The following THSD7B variants were observed in gnomAD, a reference collection of about 807,000 sequenced individuals.
The protein encoded by THSD7B is thrombospondin type-1 domain-containing protein 7B.
THSD7B carries 138 observed loss-of-function variants against 213.6 expected under a neutral mutation model. The ratio of observed to expected loss-of-function variants is 0.65; its 90% confidence interval spans 0.56 to 0.74. The LOEUF (loss-of-function observed/expected upper bound fraction) is 0.74, where lower values mean the gene tolerates loss of function less well. Ranked by LOEUF, THSD7B falls within the 30% of genes least tolerant of loss-of-function variation. The pLI is 0.00. For missense variants in THSD7B, 1,931 were observed against 1,991.5 expected (o/e 0.97, Z 0.58); for synonymous variants, 742 against 687.0 (o/e 1.08, Z -1.25).
intron 1 of THSD7B, among the ~76,000 whole-genome samples, chr2:136,806,335 C>G (rs1189787063): frequency 1.3e-5 from 2 of 152,166 alleles, no homozygotes; most frequent in Non-Finnish European, 2.9e-5. Flanking sequence ...TGGCCCCAGG[C>G]CCTTTATATA....
intron 2 of THSD7B, among the ~76,000 whole-genome samples, chr2:136,996,625 C>CGTGA (rs1380204755): frequency 6.6e-6 from 1 of 152,148 alleles, no homozygotes; most frequent in African/African-American, 2.4e-5. Flanking sequence ...GGATTACAGG[C>CGTGA]GTGAGTCACT....
intron 17 of THSD7B, among the ~76,000 whole-genome samples, chr2:137,608,942 A>G (rs539651961): frequency 1.3e-5 from 2 of 152,332 alleles, no homozygotes; most frequent in South Asian, 4.1e-4. Context: ...CTTGTGTTGT[A>G]TGCTATCTTT....
chr2:137,499,306 A>G (rs1679648147), intron 15 of THSD7B, among the ~76,000 whole-genome samples: 1 of 152,236 alleles, frequency 6.6e-6, no homozygotes, highest in Admixed American at 6.5e-5. Context: ...TAGTATACAG[A>G]TTGCAGGGAC....
chr2:137,157,195 A>G (rs1245410638), intron 5 of THSD7B, among the ~76,000 whole-genome samples: 3 of 152,210 alleles, frequency 2.0e-5, no homozygotes, highest in African/African-American at 2.4e-5. Context: ...AACAAGTTAT[A>G]TGAAGCAGAT....
At chr2:137,241,607 G>A (rs1434361748) in intron 9 of THSD7B, among the ~76,000 whole-genome samples, 1 of 151,936 alleles carries the variant, frequency 6.6e-6, no homozygotes, top group Non-Finnish European at 1.5e-5. Flanking sequence ...CAGTCTACGT[G>A]TTCTATAGAA....
intron 2 of THSD7B, among the ~76,000 whole-genome samples, chr2:136,957,791 A>C (rs1457174413): frequency 2.0e-5 from 3 of 152,220 alleles, no homozygotes; most frequent in Non-Finnish European, 4.4e-5. Context: ...CATTAAATTT[A>C]AAATGTTAAC....
intron 15 of THSD7B, among the ~76,000 whole-genome samples, chr2:137,454,412 GTCTGTCTGTCTGTCTATCTATCTA>G (rs1308269748): frequency 3.0e-4 from 37 of 121,532 alleles, no homozygotes; most frequent in African/African-American, 1.1e-3. Context: ...CTGTCTGTCT[GTCTGTCTGTCTGTCTATCTATCTA>G]TCTATCTATC....
At chr2:137,114,947 T>A (rs890087414) in intron 4 of THSD7B, among the ~76,000 whole-genome samples, 177 bp from the exon 5 acceptor site, 1 of 152,190 alleles carries the variant, frequency 6.6e-6, no homozygotes, top group Non-Finnish European at 1.5e-5. Context: ...ATGTTTTTTT[T>A]TTCTAGGAAA....
At chr2:137,544,759 T>A (rs920208262) in intron 15 of THSD7B, among the ~76,000 whole-genome samples, 1 of 151,860 alleles carries the variant, frequency 6.6e-6, no homozygotes, top group East Asian at 1.9e-4. Flanking sequence ...GGCTTAATTT[T>A]AATTCTTTCA....
intron 15 of THSD7B, chr2:137,511,985 G>A (rs1052227488): frequency 3.9e-5 from 6 of 152,170 alleles, no homozygotes; most frequent in African/African-American, 1.4e-4. Context: ...GTCCCAGCCA[G>A]TGGCCACAAA....
At chr2:137,074,732 C>G (rs990954542) in intron 3 of THSD7B, among the ~76,000 whole-genome samples, 2 of 152,138 alleles carry the variant, frequency 1.3e-5, no homozygotes, top group Admixed American at 1.3e-4. Flanking sequence ...TCCGGTTGTT[C>G]CTTTCCATGT....
Position 137,296,772 on chromosome 2 carries a change from C to T in THSD7B, c.2500+20746C>T, listed in dbSNP as rs142469454. Among the ~76,000 whole-genome samples the T allele has an allele frequency of 1.8e-4, 27 of 152,150 alleles. No homozygotes were observed. The East Asian group carries it at 3.9e-3, about 22-fold the overall frequency. Reference sequence around the variant, plus strand: ...ACACAGAGGAAGGAACAGTAGGGTACAGCTCCTCTCACCTGGGCTCTGTCT... The same window carrying T: ...ACACAGAGGAAGGAACAGTAGGGTATAGCTCCTCTCACCTGGGCTCTGTCT... On this transcript the variant is annotated intron_variant, in intron 12 of 27. Coordinates refer to ENST00000409968, the MANE Select transcript of THSD7B (RefSeq NM_001316349.2).
chr2:137,674,614 A>ATGT (rs1328916847), intron 27 of THSD7B, among the ~76,000 whole-genome samples: 11 of 152,224 alleles, frequency 7.2e-5, no homozygotes, highest in African/African-American at 2.7e-4. Context: ...GTTAAATTGA[A>ATGT]TGTTATTCAG....
chr2:137,032,205 C>T (rs894647741), intron 2 of THSD7B, among the ~76,000 whole-genome samples: 3 of 151,896 alleles, frequency 2.0e-5, no homozygotes, highest in African/African-American at 7.3e-5. Flanking sequence ...CCAAGAACAC[C>T]CTACTAATAG....
Position 137,600,713 on chromosome 2 carries a change from G to A in THSD7B, c.3424-15462G>A, listed in dbSNP as rs149754866. Among the ~76,000 whole-genome samples the A allele has an allele frequency of 9.4e-4, 143 of 152,272 alleles. 1 individual carries two copies. The highest frequency in any genetic ancestry group is 8.2e-3 in the Admixed American group (125 of 15,298). On this transcript the variant is annotated intron_variant, in intron 17 of 27. Transcript: ENST00000409968. Reference sequence around the variant, plus strand: ...AGATCATGCCACTGCACTCCAGTGTGGGCAACAGAGAGACCATTTCAAAAA... The same window carrying A: ...AGATCATGCCACTGCACTCCAGTGTAGGCAACAGAGAGACCATTTCAAAAA...
intron 7 of THSD7B, among the ~76,000 whole-genome samples, chr2:137,215,391 G>T (rs1681213235): frequency 6.6e-6 from 1 of 152,092 alleles, no homozygotes; most frequent in Admixed American, 6.6e-5. Flanking sequence ...TTCTACAAAA[G>T]CTGCAGATTC....
At chr2:137,476,339 A>T (rs1258417084) in intron 15 of THSD7B, among the ~76,000 whole-genome samples, 2 of 151,400 alleles carry the variant, frequency 1.3e-5, no homozygotes, top group African/African-American at 4.9e-5. Flanking sequence ...CCGTTTGTTT[A>T]TTTTTTTTCT....
At chr2:137,457,769 T>A (rs1687790834) in intron 15 of THSD7B, among the ~76,000 whole-genome samples, 2 of 152,172 alleles carry the variant, frequency 1.3e-5, no homozygotes, top group Admixed American at 1.3e-4. Context: ...AGAATCTGAC[T>A]GTATGTGTGT....
chr2:137,542,298 G>C (rs1236830980), intron 15 of THSD7B, among the ~76,000 whole-genome samples: 1 of 151,652 alleles, frequency 6.6e-6, no homozygotes, highest in South Asian at 2.1e-4. Context: ...CATTAGGAAG[G>C]CAAATTTAAA....
Sources: gnomAD v4.1 joint callset for allele counts (sites outside exome capture counted in the v4.1 genomes callset) on GRCh38, gnomAD v4.1.1 for gene constraint, MANE v1.5 for transcripts, NCBI Gene and HGNC (gene_info 2026-07-23, HGNC 2026-07-21) for gene names.